The following CHGA variants were observed in gnomAD, a reference collection of about 807,000 sequenced individuals.
CHGA encodes the protein chromogranin-A.
CHGA carries 41 observed loss-of-function variants against 54.4 expected under a neutral mutation model. The ratio of observed to expected loss-of-function variants is 0.75; its 90% confidence interval spans 0.59 to 0.98. The LOEUF is 0.98. CHGA is among the 50% of genes least tolerant of loss of function. The pLI, the probability that CHGA is intolerant of heterozygous loss-of-function variation, is 0.00. For synonymous variants in CHGA, 249 were observed against 232.8 expected (o/e 1.07, Z -0.63); for missense variants, 576 against 582.3 (o/e 0.99, Z 0.11).
chr14:92,928,124 G>A (rs1218140985), intron 4 of CHGA, among the ~76,000 whole-genome samples: 3 of 152,236 alleles, frequency 2.0e-5, no homozygotes, highest in African/African-American at 7.2e-5. Flanking sequence ...ACTTCCTGTG[G>A]GAAGCGGCCG....
Position 92,934,593 on chromosome 14 carries a change from G to A in CHGA, c.1291-208G>A, listed in dbSNP as rs577137764. ...GCCACCAAGAGCAGTGTGGGGACAG[G>A]GCCCCCGGCATCAGCCACCTTCTTG... On this transcript the variant is annotated intron_variant, in intron 7 of 7. Transcript: ENST00000216492. 3.3e-5 allele frequency among the ~76,000 whole-genome samples: 5 copies of A among 152,246 alleles called. No individual in the cohort carries two copies. The South Asian group carries it at 1.0e-3, about 32-fold the overall frequency.
intron 3 of CHGA, among the ~76,000 whole-genome samples, chr14:92,927,023 G>C (rs1232304648): frequency 6.6e-6 from 1 of 152,226 alleles, no homozygotes; most frequent in Non-Finnish European, 1.5e-5. Flanking sequence ...CCAGTGCCTA[G>C]AACAGCCTCT....
In CHGA at chr14:92,932,653, G is replaced by C. The variant is rs912997626; in HGVS notation, c.1092G>C (p.Glu364Asp). The C allele has an allele frequency of 6.2e-7, 1 of 1,600,450 alleles. No homozygotes were observed. Among genetic ancestry groups the C allele is most frequent in the African/African-American group, 1.3e-5 (1 of 74,828 alleles). Residue 364 changes from glutamate (E) to aspartate (D), a missense_variant, in exon 7 of 8, where the codon GAG becomes GAC. Glu to Asp is a conservative substitution (Grantham distance 45). Transcript: ENST00000216492. This position sits in a 1 kb window ranked among gnomAD's most constrained non-coding sequence, Gnocchi z 5.3. ...AGCGGCTGGAGGGGCAGGAGGAGGA[G>C]GAGGACAACCGGGACAGTTCCATGA... ...AEKRLEGQEE[E>D]EDNRDSSMKL...
chr14:92,923,126 G>A (rs1469346421), upstream of CHGA: 1 of 332,178 alleles, frequency 3.0e-6, no homozygotes, highest in Admixed American at 4.9e-5. Context: ...GGGTATATAA[G>A]CGGGGCGCGA....
chr14:92,932,274 G>A lies in CHGA; in HGVS notation c.809-96G>A. 2.1e-6 allele frequency: 3 copies of A among 1,443,854 alleles called. No homozygotes were observed. The highest frequency in any genetic ancestry group is 2.8e-6 in the Non-Finnish European group (3 of 1,090,558). 89.4% of individuals were successfully genotyped at this position (1,443,854 alleles called of 1,614,324 possible). On this transcript the variant is annotated intron_variant, in intron 6 of 7. Transcript: ENST00000216492. This position sits in a 1 kb window ranked among gnomAD's most constrained non-coding sequence, Gnocchi z 5.3. ...AGCGTCATCACTGTGGAGAGGCTGG[G>A]CTGTGGCCGCAGCAGAGGCCCCCAG...
At chr14:92,922,861 C>A (rs748164920), upstream of CHGA, among the ~76,000 whole-genome samples, 42 of 152,316 alleles carry the variant, frequency 2.8e-4, no homozygotes, top group Middle Eastern at 6.8e-3. Context: ...TCCAGAGATC[C>A]GAGTGACTTG....
intron 2 of CHGA, among the ~76,000 whole-genome samples, chr14:92,924,553 G>A (rs932157367): frequency 6.6e-6 from 1 of 152,172 alleles, no homozygotes; most frequent in Non-Finnish European, 1.5e-5. Context: ...CTCCCCAGGG[G>A]CTGGTGGGGG....
rs368123994 is a variant in CHGA at position 92,932,106 on chromosome 14, C to G, written c.809-264C>G. ...TTAGGAGAGGCCCTGGCTCCCGCTG[C>G]GGGCCTGTCAGGGTCTTTCCTCACT... On this transcript the variant is annotated intron_variant, in intron 6 of 7. Transcript: ENST00000216492. This position sits in a 1 kb window ranked among gnomAD's most constrained non-coding sequence, Gnocchi z 5.3. 1 of 466,212 alleles carries G rather than the reference C, an allele frequency of 2.1e-6. No homozygotes were observed. Among genetic ancestry groups the G allele is most frequent in the Admixed American group, 3.7e-5 (1 of 26,924 alleles). The allele number at this position is 466,212 out of a possible 1,614,324, so 28.9% of individuals were successfully genotyped here.
At position 92,932,806 on chromosome 14, in the gene CHGA, CG is replaced by C; in HGVS notation, c.1246del (p.Glu416ArgfsTer119). 1 of 1,551,238 alleles carries C rather than the reference CG, an allele frequency of 6.4e-7. No homozygotes were observed. Among genetic ancestry groups the C allele is most frequent in the Non-Finnish European group, 8.7e-7 (1 of 1,147,544 alleles). ...GLPLQVRGYP[E>X]EKKEEEGSAN... ...TGCCCCTCCAGGTCCGAGGCTACCC[CG>C]AGGAGAAGAAAGAGGAGGAGGGCAG... is the stretch of plus-strand genomic sequence containing the variant. On this transcript the variant is annotated frameshift_variant, in exon 7 of 8. Transcript: ENST00000216492. LOFTEE classifies it high-confidence loss of function. This position sits in a 1 kb window ranked among gnomAD's most constrained non-coding sequence, Gnocchi z 5.3.
chr14:92,932,376 C>T lies in CHGA; in HGVS notation c.815C>T (p.Ser272Leu), dbSNP rs1481614671. 10 of 1,582,018 alleles carry T rather than the reference C, an allele frequency of 6.3e-6. No individual in the cohort carries two copies. The highest frequency in any genetic ancestry group is 5.8e-5 in the South Asian group (5 of 86,008). Residue 272 changes from serine to leucine, a missense_variant, in exon 7 of 8, where the codon TCG (serine) becomes TTG (leucine). By Grantham distance (145) the Ser-to-Leu change is moderately radical. Coordinates refer to ENST00000216492, the MANE Select transcript of CHGA (RefSeq NM_001275.4). This position sits in a 1 kb window ranked among gnomAD's most constrained non-coding sequence, Gnocchi z 5.3. ...TGCCCACCACCTGCTCCAGGTCGGTCGGAGGCTCTGGCTGTGGATGGAGCT... is the reference window on the plus strand; with the variant it reads ...TGCCCACCACCTGCTCCAGGTCGGTTGGAGGCTCTGGCTGTGGATGGAGCT... Reference protein sequence around the residue: ...YKEIRKGESRSEALAVDGAGK... With the variant: ...YKEIRKGESRLEALAVDGAGK...
At chr14:92,927,311 C>G (rs1188506472) in intron 3 of CHGA, among the ~76,000 whole-genome samples, 1 of 152,198 alleles carries the variant, frequency 6.6e-6, no homozygotes, top group Non-Finnish European at 1.5e-5. Flanking sequence ...GGTTGCCACC[C>G]TTTGGCTAAG....
At chr14:92,925,646 C>A (rs996796357) in intron 2 of CHGA, among the ~76,000 whole-genome samples, 45 of 152,192 alleles carry the variant, frequency 3.0e-4, no homozygotes, top group Admixed American at 2.6e-4. Flanking sequence ...CTGTCTGACA[C>A]CTCCTGCTCT....
Position 92,932,785 on chromosome 14 carries a change from C to A in CHGA, c.1224C>A (p.Pro408=), listed in dbSNP as rs1488784369. 6.3e-7 allele frequency: 1 copy of A among 1,580,706 alleles called. No homozygotes were observed. ...AGGACAGCCTTGAGGCGGGCCTGCC[C>A]CTCCAGGTCCGAGGCTACCCCGAGG... The part of the protein sequence containing the change: ...SREDSLEAGL[P]LQVRGYPEEK... Residue 408 remains proline, a synonymous_variant, in exon 7 of 8, where the codon CCC becomes CCA. Coordinates refer to ENST00000216492, the MANE Select transcript of CHGA (RefSeq NM_001275.4). The surrounding 1 kb of genome is among the most constrained non-coding windows in gnomAD (Gnocchi z 5.3).
At chr14:92,926,255 T>C (rs943973433) in intron 2 of CHGA, 6 of 271,052 alleles carry the variant, frequency 2.2e-5, no homozygotes, top group Non-Finnish European at 4.3e-5. Context: ...ATCATTTTAG[T>C]GCCCTGAGGC....
At chr14:92,933,536 C>T (rs1054902774) in intron 7 of CHGA, among the ~76,000 whole-genome samples, 1 of 152,130 alleles carries the variant, frequency 6.6e-6, no homozygotes, top group African/African-American at 2.4e-5. Flanking sequence ...GTTGGGGTCC[C>T]TGGCAGCTAG....
Position 92,924,255 on chromosome 14 carries a change from G to A in CHGA, c.93+10G>A, listed in dbSNP as rs750443790. The A allele has an allele frequency of 1.1e-4, 177 of 1,610,844 alleles. No individual in the cohort carries two copies. The highest frequency in any genetic ancestry group is 2.5e-4 in the Admixed American group (15 of 59,634). On this transcript the variant is annotated intron_variant, in intron 2 of 7. Coordinates refer to ENST00000216492, the MANE Select transcript of CHGA (RefSeq NM_001275.4). The stretch of plus-strand genomic sequence containing the variant: ...TAAAGGGGATACCGAGGTAAGAAGG[G>A]GTGCTGGGGATGAGGGGTAGGAGGC...
intron 5 of CHGA, among the ~76,000 whole-genome samples, chr14:92,930,414 G>C (rs1886971705): frequency 6.6e-6 from 1 of 152,250 alleles, no homozygotes; most frequent in South Asian, 2.1e-4. Context: ...GGTAAGGCCG[G>C]TGTCCAGGAG....
At chr14:92,924,491 T>C (rs1281070864) in intron 2 of CHGA, among the ~76,000 whole-genome samples, 1 of 152,230 alleles carries the variant, frequency 6.6e-6, no homozygotes, top group Non-Finnish European at 1.5e-5. Context: ...TCTTACCTGC[T>C]GGGCCGAGGT....
At chr14:92,923,885 C>G (rs772226564) in intron 1 of CHGA, among the ~76,000 whole-genome samples, 8 of 152,082 alleles carry the variant, frequency 5.3e-5, no homozygotes, top group African/African-American at 1.9e-4. Flanking sequence ...CTCTCCCCTT[C>G]GTCTGTCTCC....
Sources: allele counts gnomAD v4.1 joint callset (sites outside exome capture counted in the v4.1 genomes callset), GRCh38; gene constraint gnomAD v4.1.1; non-coding constraint Gnocchi (gnomAD v3.1); transcripts MANE v1.5; gene names NCBI Gene and HGNC (gene_info 2026-07-23, HGNC 2026-07-21).